NUGGC: variants seen among roughly 807,000 people sequenced by gnomAD.
NUGGC encodes the protein nuclear GTPase, germinal center associated.
Under a neutral mutation model 92.6 loss-of-function variants are expected in NUGGC, and 58 were observed. The observed-to-expected ratio is 0.63, with a 90% CI of 0.51 to 0.78. The LOEUF is 0.78. NUGGC is among the 30% of genes least tolerant of loss of function. The probability of loss-of-function intolerance (pLI) is 0.00; values close to 1 mark genes in which losing one functional copy is unlikely to be tolerated. For synonymous variants in NUGGC, 376 were observed against 366.4 expected, an observed-to-expected ratio of 1.03 and a Z score of -0.30; for missense variants, 925 against 964.6, an observed-to-expected ratio of 0.96 and a Z score of 0.54.
At chr8:28,035,730 C>T (rs528751439) in intron 13 of NUGGC, among the ~76,000 whole-genome samples, 1 of 152,288 alleles carries the variant, frequency 6.6e-6, no homozygotes, top group South Asian at 2.1e-4. Flanking sequence ...GGCATAAATA[C>T]CCAGAGGTGA....
At chr8:28,057,661 C>T (rs906981752) in intron 9 of NUGGC, among the ~76,000 whole-genome samples, 21 of 152,022 alleles carry the variant, frequency 1.4e-4, no homozygotes, top group African/African-American at 4.8e-4. Flanking sequence ...ATGACATTTT[C>T]TTTTCTCTAG....
At chr8:28,065,273 G>A (rs1040433883) in intron 6 of NUGGC, among the ~76,000 whole-genome samples, 7 of 144,968 alleles carry the variant, frequency 4.8e-5, no homozygotes, top group Non-Finnish European at 1.0e-4. Context: ...CCATTCTCCT[G>A]CCTGACTCCC....
intron 12 of NUGGC, among the ~76,000 whole-genome samples, chr8:28,045,087 T>C (rs1332785169): frequency 6.6e-6 from 1 of 152,242 alleles, no homozygotes; most frequent in Middle Eastern, 3.2e-3. Flanking sequence ...TCCTCTCACA[T>C]TATTTTCCTG....
rs1041946273 is a variant in NUGGC at position 28,072,820 on chromosome 8, G to A, written c.43+1548C>T. On this transcript the variant is annotated intron_variant, in intron 2 of 18. Coordinates refer to ENST00000413272, the MANE Select transcript of NUGGC (RefSeq NM_001010906.2). Reference sequence around the variant, plus strand: ...ACAGATCTTATTATTCTTGTCCATCGCTCAAGCCCTTCCTTGCCCTTTCCA... The same window carrying A: ...ACAGATCTTATTATTCTTGTCCATCACTCAAGCCCTTCCTTGCCCTTTCCA... Among the ~76,000 whole-genome samples the A allele has an allele frequency of 4.6e-5, 7 of 151,560 alleles. No homozygotes were observed. In the South Asian group the frequency reaches 6.2e-4, roughly 14 times the overall value.
intron 18 of NUGGC, among the ~76,000 whole-genome samples, chr8:28,024,736 G>A (rs1490765042): frequency 3.9e-5 from 6 of 152,074 alleles, no homozygotes; most frequent in Non-Finnish European, 8.8e-5. Flanking sequence ...GAGTCTTTTT[G>A]TTCTGTCCCA....
chr8:28,036,996 C>A (rs1398428973), intron 13 of NUGGC, among the ~76,000 whole-genome samples: 1 of 152,142 alleles, frequency 6.6e-6, no homozygotes, highest in African/African-American at 2.4e-5. Context: ...GGCTCAGAAC[C>A]ACTATTGTCT....
intron 7 of NUGGC, among the ~76,000 whole-genome samples, chr8:28,061,361 T>C (rs1810301290): frequency 6.6e-6 from 1 of 152,260 alleles, no homozygotes; most frequent in East Asian, 1.9e-4. Context: ...CGATCATGTG[T>C]AGCCTTGTGA....
intron 6 of NUGGC, among the ~76,000 whole-genome samples, chr8:28,067,250 G>A (rs894704056): frequency 7.2e-5 from 11 of 152,160 alleles, no homozygotes; most frequent in Non-Finnish European, 8.8e-5. Context: ...ATCTTTGGCA[G>A]CCCAAACTAT....
intron 7 of NUGGC, among the ~76,000 whole-genome samples, chr8:28,063,598 G>A (rs916747044): frequency 6.6e-6 from 1 of 152,138 alleles, no homozygotes; most frequent in African/African-American, 2.4e-5. Context: ...CCCCAGCAGG[G>A]AAGTTAGGAA....
At chr8:28,055,409 TC>T (rs1446999608) in intron 10 of NUGGC, among the ~76,000 whole-genome samples, 2 of 152,136 alleles carry the variant, frequency 1.3e-5, no homozygotes. Context: ...GAGCCCAGAC[TC>T]ACCTGGGCCT....
rs574827540 is a variant in NUGGC, at chr8:28,032,168, G to A, written c.1770-787C>T. Among the ~76,000 whole-genome samples, 15 of 152,252 alleles carry A rather than the reference G, an allele frequency of 9.9e-5. No homozygotes were observed. The South Asian group carries it at 1.2e-3, about 13-fold the overall frequency. On this transcript the variant is annotated intron_variant, in intron 14 of 18. Coordinates refer to ENST00000413272, the MANE Select transcript of NUGGC (RefSeq NM_001010906.2). Reference sequence around the variant, plus strand: ...GAGGCAGGTGGAATGTCTTGAACGCGTTCTAAGGGATTTGAAGTTTAGCCC... The same window carrying A: ...GAGGCAGGTGGAATGTCTTGAACGCATTCTAAGGGATTTGAAGTTTAGCCC...
intron 15 of NUGGC, 113 bp downstream of exon 15, chr8:28,031,130 C>T (rs1402566398): frequency 2.4e-6 from 3 of 1,270,382 alleles, no homozygotes; most frequent in African/African-American, 1.5e-5. Context: ...GGAGGTACTC[C>T]CAGACCCTGG....
intron 9 of NUGGC, 66 bp from the exon 10 acceptor site, chr8:28,056,120 A>G: frequency 1.1e-6 from 1 of 885,416 alleles, no homozygotes; most frequent in East Asian, 2.6e-5. Context: ...AGGTGGCAAG[A>G]TGCACATTTT....
chr8:28,049,554 T>C (rs1224640721), intron 10 of NUGGC, among the ~76,000 whole-genome samples: 1 of 152,242 alleles, frequency 6.6e-6, no homozygotes, highest in African/African-American at 2.4e-5. Context: ...AATGTTTTTA[T>C]AGTGTCAGTG....
chr8:28,031,114 C>T, intron 15 of NUGGC, 129 bp downstream of exon 15: 1 of 1,053,178 alleles, frequency 9.5e-7, no homozygotes. Context: ...TTCACAGCGC[C>T]TCCTAGGAGG....
intron 11 of NUGGC, among the ~76,000 whole-genome samples, chr8:28,046,026 T>G (rs1809824463): frequency 6.6e-6 from 1 of 152,026 alleles, no homozygotes; most frequent in Non-Finnish European, 1.5e-5. Flanking sequence ...CCCCTAGACT[T>G]TTCTACCTAT....
chr8:28,022,157 C>CTTTTTTTTT lies in NUGGC; in HGVS notation c.*1151_*1159dup, dbSNP rs35977212. 3.1e-5 allele frequency: 3 copies of CTTTTTTTTT among 95,950 alleles called. No homozygotes were observed. Among genetic ancestry groups the CTTTTTTTTT allele is most frequent in the Non-Finnish European group, 4.2e-5 (2 of 47,552 alleles). 5.9% of individuals were successfully genotyped at this position (95,950 alleles called of 1,614,324 possible). ...TATATATATATATTTTTTTCTTTTTCTTTTTTTTTTTTTTTTTTTGAGACA... is the reference window on the plus strand; with the variant it reads ...TATATATATATATTTTTTTCTTTTTCTTTTTTTTTTTTTTTTTTTTTTTTTTTTGAGACA... On this transcript the variant is annotated 3_prime_UTR_variant, in exon 19 of 19. Coordinates refer to ENST00000413272, the MANE Select transcript of NUGGC (RefSeq NM_001010906.2).
chr8:28,044,612 A>G (rs148187043), intron 12 of NUGGC, among the ~76,000 whole-genome samples: 2 of 152,358 alleles, frequency 1.3e-5, no homozygotes, highest in African/African-American at 4.8e-5. Flanking sequence ...TTATTCATCA[A>G]GTCCCGGCCA....
In NUGGC at chr8:28,030,543, T is replaced by G. The variant is rs79628515; in HGVS notation, c.1909-125A>C. The G allele has an allele frequency of 3.8e-3, 2,518 of 658,884 alleles. 56 individuals are homozygous for G. In the African/African-American group the frequency reaches 0.041, roughly 11 times the overall value. The allele number at this position is 658,884 out of a possible 1,614,324, so 40.8% of individuals were successfully genotyped here. A position where few individuals can be genotyped will look rare whatever the true frequency, so the allele number is the denominator to read the frequency against. On this transcript the variant is annotated intron_variant, in intron 15 of 18. Coordinates refer to ENST00000413272, the MANE Select transcript of NUGGC (RefSeq NM_001010906.2). ...TATATGATGCCCAGTTGTTTGTCTG[T>G]CATCTCCACAACTAGGCTGTGAGCT...
Sources: allele counts gnomAD v4.1 joint callset (sites outside exome capture counted in the v4.1 genomes callset), GRCh38; gene constraint gnomAD v4.1.1; transcripts MANE v1.5; gene names NCBI Gene and HGNC (gene_info 2026-07-23, HGNC 2026-07-21).